NAT9: variants seen among roughly 807,000 people sequenced by gnomAD.
NAT9 encodes N-acetyltransferase 9.
NAT9 carries 18 observed loss-of-function variants against 24.0 expected under a neutral mutation model. That is an observed-to-expected ratio of 0.75 (90% CI 0.52 to 1.11). NAT9 has a LOEUF of 1.11. Ranked by LOEUF, NAT9 falls within the 50% of genes most tolerant of loss-of-function variation. The probability of loss-of-function intolerance (pLI) is 0.00; values close to 1 mark genes in which losing one functional copy is unlikely to be tolerated. For synonymous variants in NAT9, 104 were observed against 102.3 expected, an observed-to-expected ratio of 1.02 and a Z score of -0.10; for missense variants, 254 against 258.6, an observed-to-expected ratio of 0.98 and a Z score of 0.12.
Position 74,771,590 on chromosome 17 carries a change from C to CA in NAT9, c.*133dup. ...GGAGGGAGGCCACAGCAAGCCCCGCCAGAGTCTGAAGGGCCTCGAAAGGTG... is the reference window on the plus strand; with the variant it reads ...GGAGGGAGGCCACAGCAAGCCCCGCCAAGAGTCTGAAGGGCCTCGAAAGGTG... On this transcript the variant is annotated 3_prime_UTR_variant, in exon 7 of 7. Coordinates refer to ENST00000357814, the MANE Select transcript of NAT9 (RefSeq NM_015654.5). 1 of 1,385,108 alleles carries CA rather than the reference C, an allele frequency of 7.2e-7. No individual in the cohort carries two copies. Among genetic ancestry groups the CA allele is most frequent in the Non-Finnish European group, 9.7e-7 (1 of 1,031,968 alleles). 85.8% of individuals were successfully genotyped at this position (1,385,108 alleles called of 1,614,324 possible).
chr17:74,773,202 T>A, intron 3 of NAT9, 163 bp from the exon 4 acceptor site: 1 of 875,820 alleles, frequency 1.1e-6, no homozygotes, highest in Non-Finnish European at 1.7e-6. Flanking sequence ...AAATTCCAAA[T>A]CTGCCTCATA....
At position 74,771,545 on chromosome 17, in the gene NAT9, G is replaced by T; in HGVS notation, c.*179C>A. The T allele has an allele frequency of 1.0e-6, 1 of 1,003,382 alleles. No individual in the cohort carries two copies. The highest frequency in any genetic ancestry group is 1.4e-6 in the Non-Finnish European group (1 of 700,780). The allele number at this position is 1,003,382 out of a possible 1,614,324, so 62.2% of individuals were successfully genotyped here. On this transcript the variant is annotated 3_prime_UTR_variant, in exon 7 of 7. Transcript: ENST00000357814. ...GGAACTGGCCCTGGCCCTGGAGTCT[G>T]CTCAGCCACACCACTAGCTGGAGGG...
intron 2 of NAT9, chr17:74,773,926 T>C: frequency 2.2e-6 from 1 of 444,750 alleles, no homozygotes; most frequent in Non-Finnish European, 4.2e-6. Flanking sequence ...CTCGGGTCAG[T>C]GCGGAGGAGC....
Position 74,771,653 on chromosome 17 carries a change from G to A in NAT9, c.*71C>T, listed in dbSNP as rs1041234842. ...GGCCAGGAGCACTCTCCCAGTGCAG[G>A]GCTCTGGTCTTTGAAGTGTATGGGC... On this transcript the variant is annotated 3_prime_UTR_variant, in exon 7 of 7. Coordinates refer to ENST00000357814, the MANE Select transcript of NAT9 (RefSeq NM_015654.5). The A allele has an allele frequency of 2.6e-5, 42 of 1,589,610 alleles. No homozygotes were observed. In the East Asian group the frequency reaches 3.6e-4, roughly 14 times the overall value.
chr17:74,773,227 C>G (rs2035482653), intron 3 of NAT9, 188 bp from the exon 4 acceptor site: 2 of 725,674 alleles, frequency 2.8e-6, no homozygotes, highest in South Asian at 3.9e-5. Flanking sequence ...AAAAGCCTCT[C>G]CAACCAGCAA....
At chr17:74,775,552 C>T (rs2035927352) in intron 2 of NAT9, 70 bp downstream of exon 2, 2 of 1,297,550 alleles carry the variant, frequency 1.5e-6, no homozygotes, top group South Asian at 1.4e-5. Context: ...GGAAATAGCC[C>T]TGAGACTGGG....
chr17:74,774,516 GA>G (rs1283781661), intron 2 of NAT9, among the ~76,000 whole-genome samples: 2 of 147,514 alleles, frequency 1.4e-5, no homozygotes, highest in Non-Finnish European at 3.0e-5. Context: ...ATTTTTATTA[GA>G]GACGGGGTTT....
chr17:74,771,559 C>G lies in NAT9; in HGVS notation c.*165G>C. 1 of 1,133,472 alleles carries G rather than the reference C, an allele frequency of 8.8e-7. No homozygotes were observed. The highest frequency in any genetic ancestry group is 1.5e-5 in the South Asian group (1 of 64,684). 70.2% of individuals were successfully genotyped at this position (1,133,472 alleles called of 1,614,324 possible). A position where few individuals can be genotyped will look rare whatever the true frequency, so the allele number is the denominator to read the frequency against. ...CCCTGGAGTCTGCTCAGCCACACCA[C>G]TAGCTGGAGGGAGGCCACAGCAAGC... On this transcript the variant is annotated 3_prime_UTR_variant, in exon 7 of 7. Transcript: ENST00000357814.
chr17:74,773,656 A>G lies in NAT9; in HGVS notation c.110T>C (p.Leu37Pro). The G allele has an allele frequency of 1.9e-6, 3 of 1,614,136 alleles. No individual in the cohort carries two copies. The highest frequency in any genetic ancestry group is 1.6e-4 in the Middle Eastern group (1 of 6,062). The change falls in exon 3 of 7, where the codon CTG (leucine) becomes CCG (proline). Residue 37 changes from leucine to proline, a missense_variant. Transcript: ENST00000357814. ...CGGCTCCGAGGCTGTCAAACGCTGC[A>G]GCTCCTCTGATTTCATCCACTCGTG... ...RYHEWMKSEE[L>P]QRLTASEPLT...
chr17:74,773,280 C>T, intron 3 of NAT9: 1 of 598,398 alleles, frequency 1.7e-6, no homozygotes, highest in Non-Finnish European at 2.9e-6. Flanking sequence ...GGGCAGTCAC[C>T]ACACTAGGCT....
chr17:74,773,791 A>G (rs2035573826), intron 2 of NAT9, 103 bp from the exon 3 acceptor site: 2 of 960,726 alleles, frequency 2.1e-6, no homozygotes, highest in Non-Finnish European at 3.3e-6. Flanking sequence ...TAGGGCTCAA[A>G]GAAGACCCAA....
At chr17:74,775,488 CT>C in intron 2 of NAT9, 133 bp downstream of exon 2, 31 of 738,532 alleles carry the variant, frequency 4.2e-5, no homozygotes, top group Middle Eastern at 3.0e-4. Flanking sequence ...GGCACCCAGC[CT>C]TTTTTCCCCC....
At chr17:74,772,723 G>A (rs2035395472) in intron 4 of NAT9, 173 bp downstream of exon 4, 2 of 1,158,408 alleles carry the variant, frequency 1.7e-6, no homozygotes, top group Non-Finnish European at 2.4e-6. Flanking sequence ...GGCTGAGGGT[G>A]TACCACCAGG....
At position 74,771,944 on chromosome 17, in the gene NAT9, C is replaced by T; in HGVS notation, c.489+16G>A. The stretch of plus-strand genomic sequence containing the variant: ...CACCCAGGTCTAAGCCCCACTCTGC[C>T]CCAGGACATCCTTACCTGCTCAAAG... On this transcript the variant is annotated intron_variant, in intron 6 of 6. Transcript: ENST00000357814. The T allele has an allele frequency of 6.2e-7, 1 of 1,614,206 alleles. No individual in the cohort carries two copies. The highest frequency in any genetic ancestry group is 8.5e-7 in the Non-Finnish European group (1 of 1,180,014).
At position 74,772,297 on chromosome 17, in the gene NAT9, C is replaced by T. The variant is rs745846301; in HGVS notation, c.335-20G>A. 12 of 1,612,932 alleles carry T rather than the reference C, an allele frequency of 7.4e-6. No individual in the cohort carries two copies. Among genetic ancestry groups the T allele is most frequent in the African/African-American group, 1.3e-5 (1 of 74,940 alleles). On this transcript the variant is annotated intron_variant, in intron 4 of 6. Coordinates refer to ENST00000357814, the MANE Select transcript of NAT9 (RefSeq NM_015654.5). ...TGGGCTCTAGGAGAGACAACAGGAG[C>T]GGCGCTGACGCCGTGTGCCAGGCTC...
Position 74,772,977 on chromosome 17 carries a change from T to C in NAT9, c.253A>G (p.Ser85Gly). ...WQAQPGATEE[S>G]CMVGDVNLFL... Reference sequence around the variant, plus strand: ...AGGTTCACATCTCCCACCATGCAGCTCTCTTCGGTGGCGCCTGGCTGGGCC... The same window carrying C: ...AGGTTCACATCTCCCACCATGCAGCCCTCTTCGGTGGCGCCTGGCTGGGCC... Residue 85 changes from serine (S) to glycine (G), a missense_variant, in exon 4 of 7, where the codon AGC (serine) becomes GGC (glycine). Coordinates refer to ENST00000357814, the MANE Select transcript of NAT9 (RefSeq NM_015654.5). 1 of 1,613,884 alleles carries C rather than the reference T, an allele frequency of 6.2e-7. No individual in the cohort carries two copies. The highest frequency in any genetic ancestry group is 8.5e-7 in the Non-Finnish European group (1 of 1,179,976).
Position 74,773,630 on chromosome 17 carries a change from GC to G in NAT9, c.135del (p.Leu46Ter), listed in dbSNP as rs2035546970. The G allele has an allele frequency of 6.2e-7, 1 of 1,614,060 alleles. No individual in the cohort carries two copies. The highest frequency in any genetic ancestry group is 1.3e-5 in the African/African-American group (1 of 74,932). ...ATGGCATACTCCTGCTCCAGGGTCA[GC>G]GGCTCCGAGGCTGTCAAACGCTGCA... ...EELQRLTASE[P>X]LTLEQEYAMQ... On this transcript the variant is annotated frameshift_variant, in exon 3 of 7. Transcript: ENST00000357814. LOFTEE classifies it high-confidence loss of function.
At chr17:74,773,071 AC>A (rs770598616) in intron 3 of NAT9, 32 bp from the exon 4 acceptor site, 2 of 1,608,796 alleles carry the variant, frequency 1.2e-6, no homozygotes, top group South Asian at 2.2e-5. Context: ...TATCACACAC[AC>A]TCCCCAGAGG....
rs2035939205 is a variant in NAT9, at chr17:74,775,604, G to A, written c.77+18C>T. Reference sequence around the variant, plus strand: ...CTCTGGGTGCTGATACGCACCCCATGTCAAGCGGGAAAGATACCTGGGCAC... The same window carrying A: ...CTCTGGGTGCTGATACGCACCCCATATCAAGCGGGAAAGATACCTGGGCAC... On this transcript the variant is annotated intron_variant, in intron 2 of 6. Transcript: ENST00000357814. 1 of 1,611,412 alleles carries A rather than the reference G, an allele frequency of 6.2e-7. No homozygotes were observed. The highest frequency in any genetic ancestry group is 2.2e-5 in the East Asian group (1 of 44,872).
Sources: gnomAD v4.1 joint callset for allele counts (sites outside exome capture counted in the v4.1 genomes callset) on GRCh38, gnomAD v4.1.1 for gene constraint, MANE v1.5 for transcripts, NCBI Gene and HGNC (gene_info 2026-07-23, HGNC 2026-07-21) for gene names.